The following BBX variants were observed in gnomAD, a reference collection of about 807,000 sequenced individuals.
BBX encodes the protein HMG box transcription factor BBX.
Under a neutral mutation model 100.2 loss-of-function variants are expected in BBX, and 30 were observed. The ratio of observed to expected loss-of-function variants is 0.30; its 90% CI spans 0.22 to 0.41. The LOEUF (loss-of-function observed/expected upper bound fraction) is 0.41. BBX is among the 10% of genes least tolerant of loss of function. BBX has a pLI of 1.00. For missense variants in BBX, 1,023 were observed against 1,129.8 expected (o/e 0.91, Z 1.35); for synonymous variants, 376 against 388.1 (o/e 0.97, Z 0.37).
intron 7 of BBX, among the ~76,000 whole-genome samples, chr3:107,733,756 C>T (rs1402954331): frequency 6.6e-6 from 1 of 152,174 alleles, no homozygotes; most frequent in Non-Finnish European, 1.5e-5. Context: ...ATGTGAGCCA[C>T]TGTGCTCAGC....
intron 17 of BBX, among the ~76,000 whole-genome samples, chr3:107,804,474 C>T (rs939622139): frequency 1.3e-5 from 2 of 152,116 alleles, no homozygotes; most frequent in Non-Finnish European, 2.9e-5. Flanking sequence ...CAAGGAAGTA[C>T]CCAGTCCTAT....
intron 3 of BBX, among the ~76,000 whole-genome samples, chr3:107,687,432 T>A (rs1222921287): frequency 1.3e-5 from 2 of 151,404 alleles, no homozygotes; most frequent in African/African-American, 2.4e-5. Flanking sequence ...GAGGGGGGAA[T>A]GGAGAACTTA....
rs1039961560 is a variant in BBX at position 107,808,559 on chromosome 3, A to G, written c.*3102A>G. 1 of 152,120 alleles carries G rather than the reference A, an allele frequency of 6.6e-6. No homozygotes were observed. The highest frequency in any genetic ancestry group is 1.5e-5 in the Non-Finnish European group (1 of 68,028). 9.4% of individuals were successfully genotyped at this position (152,120 alleles called of 1,614,324 possible). ...TCCTATGTAATTTTGAAGTGTGTAG[A>G]GTATATTATAGTAACTGAAGCTGCA... On this transcript the variant is annotated 3_prime_UTR_variant, in exon 18 of 18. Transcript: ENST00000325805.
rs750660750 is a variant in BBX at position 107,774,869 on chromosome 3, T to C, written c.2054+12T>C. 4.5e-5 allele frequency: 72 copies of C among 1,612,444 alleles called. No individual in the cohort carries two copies. The highest frequency in any genetic ancestry group is 6.0e-5 in the Non-Finnish European group (71 of 1,179,200). On this transcript the variant is annotated intron_variant, in intron 12 of 17. Transcript: ENST00000325805. Reference sequence around the variant, plus strand: ...GACTGTCTCCTTGGGTAAGTGCCTGTGAGCACAGTCACCTGTACTCCACAA... The same window carrying C: ...GACTGTCTCCTTGGGTAAGTGCCTGCGAGCACAGTCACCTGTACTCCACAA...
At chr3:107,743,711 A>G (rs2064306491) in intron 7 of BBX, among the ~76,000 whole-genome samples, 1 of 152,204 alleles carries the variant, frequency 6.6e-6, no homozygotes, top group African/African-American at 2.4e-5. Context: ...ATATAATCAC[A>G]TGCAGCTATT....
At chr3:107,774,898 T>G in intron 12 of BBX, 41 bp downstream of exon 12, 2 of 1,594,038 alleles carry the variant, frequency 1.3e-6, no homozygotes, top group Non-Finnish European at 1.7e-6. Context: ...TCCACAAGCC[T>G]CAAGTGTGGG....
chr3:107,593,071 CCT>C (rs2053448891), intron 2 of BBX, among the ~76,000 whole-genome samples: 1 of 152,048 alleles, frequency 6.6e-6, no homozygotes, highest in Non-Finnish European at 1.5e-5. Flanking sequence ...CTGTTAACAC[CCT>C]CGTTGGGAGT....
chr3:107,599,888 G>C (rs1019526587), intron 2 of BBX, among the ~76,000 whole-genome samples: 2 of 145,752 alleles, frequency 1.4e-5, no homozygotes, highest in Admixed American at 7.0e-5. Context: ...TTTTTAATAC[G>C]TCTCTCATTA....
chr3:107,727,806 G>T (rs976158377), intron 5 of BBX, among the ~76,000 whole-genome samples: 2 of 152,110 alleles, frequency 1.3e-5, no homozygotes, highest in African/African-American at 2.4e-5. Context: ...GTTAGTTCAT[G>T]TCACACATTA....
At chr3:107,668,499 A>G (rs956591319) in intron 3 of BBX, among the ~76,000 whole-genome samples, 5 of 152,214 alleles carry the variant, frequency 3.3e-5, no homozygotes, top group South Asian at 2.1e-4. Context: ...GAGCTGCTCA[A>G]TAAACATTGG....
chr3:107,630,920 T>C (rs2056506905), intron 2 of BBX, among the ~76,000 whole-genome samples: 1 of 152,194 alleles, frequency 6.6e-6, no homozygotes, highest in South Asian at 2.1e-4. Context: ...GCTGTGAAGG[T>C]TCCCTGAGAT....
At chr3:107,713,480 T>C (rs1260234909) in intron 4 of BBX, among the ~76,000 whole-genome samples, 2 of 152,214 alleles carry the variant, frequency 1.3e-5, no homozygotes, top group Non-Finnish European at 2.9e-5. Context: ...TTAGAAAATA[T>C]TAATGAGCTC....
intron 13 of BBX, among the ~76,000 whole-genome samples, chr3:107,781,512 T>C (rs949718276): frequency 3.3e-5 from 5 of 152,148 alleles, no homozygotes; most frequent in Non-Finnish European, 5.9e-5. Flanking sequence ...CTCTGTTATT[T>C]TGAAATATTT....
intron 3 of BBX, among the ~76,000 whole-genome samples, chr3:107,693,161 T>C (rs868708933): frequency 0.017 from 2,631 of 150,698 alleles, 41 homozygotes; most frequent in Middle Eastern, 0.034. Flanking sequence ...CTGTTCACTC[T>C]GATGGTAGTT....
At chr3:107,613,124 C>T (rs1225015935) in intron 2 of BBX, among the ~76,000 whole-genome samples, 1 of 151,876 alleles carries the variant, frequency 6.6e-6, no homozygotes, top group Admixed American at 6.6e-5. Context: ...GTTGCCAAGC[C>T]TGGGTCTTAG....
chr3:107,659,803 G>C (rs1210933217), intron 3 of BBX: 1 of 1,210,172 alleles, frequency 8.3e-7, no homozygotes, highest in East Asian at 5.9e-5. Flanking sequence ...GGTACCCTGG[G>C]TTTAGTGAGA....
intron 2 of BBX, among the ~76,000 whole-genome samples, chr3:107,554,544 A>G (rs913829967): frequency 6.6e-6 from 1 of 152,220 alleles, no homozygotes; most frequent in Non-Finnish European, 1.5e-5. Context: ...ACAAATTTTA[A>G]TATACAAAGT....
intron 5 of BBX, among the ~76,000 whole-genome samples, chr3:107,720,893 C>CT (rs2062481392): frequency 6.6e-6 from 1 of 151,972 alleles, no homozygotes; most frequent in Non-Finnish European, 1.5e-5. Flanking sequence ...GATATGGACT[C>CT]TTTTCCAAAG....
intron 3 of BBX, among the ~76,000 whole-genome samples, chr3:107,709,240 A>G (rs1016769869): frequency 6.6e-6 from 1 of 152,224 alleles, no homozygotes; most frequent in Non-Finnish European, 1.5e-5. Context: ...TTCTAGGAGA[A>G]AACATTGGTG....
Sources: allele counts gnomAD v4.1 joint callset (sites outside exome capture counted in the v4.1 genomes callset), GRCh38; gene constraint gnomAD v4.1.1; transcripts MANE v1.5; gene names NCBI Gene and HGNC (gene_info 2026-07-23, HGNC 2026-07-21).